The following GALM variants were observed in gnomAD, a reference collection of about 807,000 sequenced individuals.
The protein encoded by GALM is galactose mutarotase.
In GALM, 43 loss-of-function variants were observed where a neutral mutation model predicts 37.4. The ratio of observed to expected loss-of-function variants is 1.15; its 90% confidence interval spans 0.90 to 1.48. GALM has a LOEUF of 1.48. GALM is among the 40% of genes most tolerant of loss of function. The pLI, the probability that GALM is intolerant of heterozygous loss-of-function variation, is 0.00. For missense variants in GALM, 456 were observed against 419.1 expected (o/e 1.09, Z -0.77); for synonymous variants, 199 against 170.6 (o/e 1.17, Z -1.30).
chr2:38,733,373 G>C, intron 6 of GALM, 115 bp from the exon 7 acceptor site: 1 of 837,156 alleles, frequency 1.2e-6, no homozygotes, highest in East Asian at 2.4e-5. Flanking sequence ...AACAGTTCCC[G>C]CACTGGCAGC....
chr2:38,712,161 G>T (rs530704646), intron 4 of GALM, among the ~76,000 whole-genome samples: 1 of 152,200 alleles, frequency 6.6e-6, no homozygotes, highest in Non-Finnish European at 1.5e-5. Context: ...ACTATCTTTT[G>T]GATTCCTGGT....
chr2:38,732,914 G>A (rs529485892), intron 6 of GALM, among the ~76,000 whole-genome samples: 109 of 112,192 alleles, frequency 9.7e-4, no homozygotes, highest in African/African-American at 3.4e-3. Flanking sequence ...ATGAGACCCT[G>A]TCTTTAAAAA....
At chr2:38,707,116 TG>T (rs1666049185) in intron 4 of GALM, among the ~76,000 whole-genome samples, 1 of 127,388 alleles carries the variant, frequency 7.9e-6, no homozygotes, top group East Asian at 2.5e-4. Flanking sequence ...GGAGCTGGCA[TG>T]GGGGGCTGGG....
chr2:38,699,101 A>G (rs1207598529), intron 4 of GALM, among the ~76,000 whole-genome samples: 1 of 150,516 alleles, frequency 6.6e-6, no homozygotes, highest in African/African-American at 2.5e-5. Flanking sequence ...TTTAGTAGAG[A>G]CGGGGTTTCA....
chr2:38,733,567 G>C lies in GALM; in HGVS notation c.*2G>C, dbSNP rs1247492761. 1 of 1,610,552 alleles carries C rather than the reference G, an allele frequency of 6.2e-7. No individual in the cohort carries two copies. On this transcript the variant is annotated 3_prime_UTR_variant, in exon 7 of 7. Transcript: ENST00000272252. Reference sequence around the variant, plus strand: ...TGGTTCAAGTTTTCTGTGGCTTAAGGAAGTGTGAAGATATGATCCAGTCCA... The same window carrying C: ...TGGTTCAAGTTTTCTGTGGCTTAAGCAAGTGTGAAGATATGATCCAGTCCA...
At chr2:38,671,036 T>C (rs1665087017) in intron 1 of GALM, among the ~76,000 whole-genome samples, 1 of 152,018 alleles carries the variant, frequency 6.6e-6, no homozygotes, top group Admixed American at 6.6e-5. Context: ...CCATATCCCA[T>C]GATTAAGCAT....
intron 4 of GALM, among the ~76,000 whole-genome samples, chr2:38,703,114 T>A (rs1665963905): frequency 1.3e-5 from 1 of 75,880 alleles, no homozygotes; most frequent in African/African-American, 5.1e-5. Flanking sequence ...TTTTTTTTTT[T>A]TTTTTTTTTT....
At chr2:38,679,587 T>G (rs929312208) in intron 2 of GALM, among the ~76,000 whole-genome samples, 7 of 152,316 alleles carry the variant, frequency 4.6e-5, no homozygotes, top group African/African-American at 1.7e-4. Context: ...TATTGAGCAC[T>G]CAACAAGTTG....
chr2:38,706,624 G>T (rs1432857055), intron 4 of GALM, among the ~76,000 whole-genome samples: 1 of 151,650 alleles, frequency 6.6e-6, no homozygotes, highest in African/African-American at 2.4e-5. Context: ...AGTTTGCAGT[G>T]AATTGTGATC....
intron 1 of GALM, among the ~76,000 whole-genome samples, chr2:38,667,983 C>G (rs1338192907): frequency 6.6e-6 from 1 of 152,198 alleles, no homozygotes; most frequent in Non-Finnish European, 1.5e-5. Context: ...AAAATCTGAA[C>G]ACAGGCCTTG....
intron 1 of GALM, chr2:38,669,263 G>A (rs1416432868): frequency 6.6e-6 from 1 of 152,232 alleles, no homozygotes; most frequent in Non-Finnish European, 1.5e-5. Flanking sequence ...AACCAGTTAT[G>A]TTATCTATAG....
At chr2:38,719,604 G>A (rs1046151669) in intron 4 of GALM, among the ~76,000 whole-genome samples, 13 of 151,344 alleles carry the variant, frequency 8.6e-5, no homozygotes, top group Non-Finnish European at 1.3e-4. Context: ...GTGAAATCCT[G>A]TCTCTACTGA....
intron 4 of GALM, among the ~76,000 whole-genome samples, chr2:38,704,119 G>T (rs2148444898): frequency 6.6e-6 from 1 of 151,920 alleles, no homozygotes; most frequent in East Asian, 1.9e-4. Context: ...GGCCCACAAA[G>T]GGGGTTTTCT....
intron 6 of GALM, 56 bp downstream of exon 6, chr2:38,731,965 G>C (rs980237761): frequency 7.3e-7 from 1 of 1,375,874 alleles, no homozygotes; most frequent in East Asian, 2.3e-5. Context: ...CACACTGTAC[G>C]ACAGAGTTCA....
chr2:38,681,010 C>T (rs1301790450), intron 2 of GALM, among the ~76,000 whole-genome samples: 1 of 151,934 alleles, frequency 6.6e-6, no homozygotes, highest in Non-Finnish European at 1.5e-5. Flanking sequence ...GTGGCTCATG[C>T]CTGTAATCAT....
intron 4 of GALM, among the ~76,000 whole-genome samples, chr2:38,696,433 CTT>C (rs35556554): frequency 4.8e-4 from 65 of 136,452 alleles, no homozygotes; most frequent in Admixed American, 7.4e-4. Flanking sequence ...TTTTTCTTTT[CTT>C]TTTTTTTTTT....
intron 1 of GALM, chr2:38,669,580 T>A (rs1182863814): frequency 6.6e-6 from 1 of 152,220 alleles, no homozygotes; most frequent in Non-Finnish European, 1.5e-5. Context: ...TTTCAACCTT[T>A]TTTTGTATTT....
At chr2:38,732,325 T>C (rs1338804328) in intron 6 of GALM, among the ~76,000 whole-genome samples, 1 of 152,194 alleles carries the variant, frequency 6.6e-6, no homozygotes, top group Non-Finnish European at 1.5e-5. Flanking sequence ...CCCAAAGTGC[T>C]AGGATTATAG....
intron 3 of GALM, chr2:38,682,128 G>T: frequency 4.1e-6 from 1 of 243,322 alleles, no homozygotes; most frequent in South Asian, 4.7e-5. Flanking sequence ...CAACCCAGCA[G>T]AGGGATAAAC....
Sources: gnomAD v4.1 joint callset for allele counts (sites outside exome capture counted in the v4.1 genomes callset) on GRCh38, gnomAD v4.1.1 for gene constraint, MANE v1.5 for transcripts, NCBI Gene and HGNC (gene_info 2026-07-23, HGNC 2026-07-21) for gene names.